PGM3: variants seen among roughly 807,000 people sequenced by gnomAD.
The protein encoded by PGM3 is phosphoacetylglucosamine mutase.
In PGM3, 40 loss-of-function variants were observed where a neutral mutation model predicts 66.2. The ratio of observed to expected loss-of-function variants is 0.60; its 90% CI spans 0.47 to 0.79. PGM3 has a LOEUF of 0.79. Ranked by LOEUF, PGM3 falls within the 30% of genes least tolerant of loss-of-function variation. PGM3 has a pLI of 0.00. For synonymous variants in PGM3, 191 were observed against 224.2 expected (o/e 0.85, Z 1.32); for missense variants, 537 against 643.4 (o/e 0.83, Z 1.79).
chr6:83,182,671 T>C (rs1040816105), intron 5 of PGM3, among the ~76,000 whole-genome samples, 174 bp downstream of exon 5: 2 of 152,146 alleles, frequency 1.3e-5, no homozygotes, highest in African/African-American at 4.8e-5. Flanking sequence ...CCAATGTAAG[T>C]TAGCAGGATA....
intron 11 of PGM3, chr6:83,171,280 C>A (rs1413548651): frequency 6.6e-6 from 1 of 152,080 alleles, no homozygotes; most frequent in Non-Finnish European, 1.5e-5. Flanking sequence ...TGTTGTTTCT[C>A]TACATTTATA....
At chr6:83,162,308 A>G (rs1784420737), downstream of PGM3, among the ~76,000 whole-genome samples, 1 of 152,172 alleles carries the variant, frequency 6.6e-6, no homozygotes, top group Non-Finnish European at 1.5e-5. Context: ...AAGTGCAAAA[A>G]AAGCCCTTAG....
chr6:83,154,169 A>C, the PGM3 span: 2 of 1,613,640 alleles, frequency 1.2e-6, no homozygotes, highest in Non-Finnish European at 8.5e-7. Context: ...TGTAATCCTT[A>C]TCTCTTTCAG....
At chr6:83,156,062 G>C in the PGM3 span, 1 of 1,613,874 alleles carries the variant, frequency 6.2e-7, no homozygotes, top group South Asian at 1.1e-5. Context: ...ATTTTTAGCA[G>C]TGAAATTGAC....
chr6:83,184,832 T>G (rs1788454024), intron 4 of PGM3, among the ~76,000 whole-genome samples: 2 of 152,054 alleles, frequency 1.3e-5, no homozygotes, highest in Non-Finnish European at 2.9e-5. Flanking sequence ...TTCAATGGAG[T>G]CCCATTGCAT....
At chr6:83,176,409 A>G (rs975189313) in intron 8 of PGM3, among the ~76,000 whole-genome samples, 15 of 152,362 alleles carry the variant, frequency 9.8e-5, no homozygotes, top group Admixed American at 3.9e-4. Flanking sequence ...GTAACAGGCC[A>G]GACAGTAAAT....
chr6:83,174,769 C>T (rs947221486), intron 9 of PGM3, among the ~76,000 whole-genome samples: 2 of 152,190 alleles, frequency 1.3e-5, no homozygotes, highest in African/African-American at 4.8e-5. Context: ...CAAGCACACA[C>T]AGTAAGTTCA....
downstream of PGM3, chr6:83,162,689 A>G (rs1337130098): frequency 5.1e-5 from 68 of 1,328,252 alleles, no homozygotes; most frequent in East Asian, 1.4e-3. Context: ...TTGAATTTTT[A>G]TAAGCAGTGG....
the PGM3 span, chr6:83,151,571 G>T: frequency 1.3e-6 from 2 of 1,576,640 alleles, no homozygotes; most frequent in Non-Finnish European, 1.7e-6. Flanking sequence ...TCCCGTTTCT[G>T]TTTTCTCTTT....
chr6:83,189,270 C>T (rs1256875242), intron 2 of PGM3, among the ~76,000 whole-genome samples: 3 of 152,146 alleles, frequency 2.0e-5, no homozygotes, highest in African/African-American at 7.2e-5. Flanking sequence ...CTCGGAACTC[C>T]AAGAACACAC....
chr6:83,160,040 A>C, downstream of PGM3: 1 of 1,385,750 alleles, frequency 7.2e-7, no homozygotes, highest in African/African-American at 1.4e-5. Context: ...ACTAATTAAA[A>C]AGTTTTTTGT....
chr6:83,154,010 G>T, the PGM3 span: 19 of 1,613,918 alleles, frequency 1.2e-5, no homozygotes, highest in Non-Finnish European at 1.6e-5. Flanking sequence ...ATGGATCCCA[G>T]TTTCTTTCAG....
rs931482263 is a variant in PGM3 at position 83,167,678 on chromosome 6, A to G, written c.*1556T>C. 2.2e-6 allele frequency: 3 copies of G among 1,375,784 alleles called. No individual in the cohort carries two copies. In the African/African-American group the frequency reaches 4.4e-5, roughly 20 times the overall value. The allele number at this position is 1,375,784 out of a possible 1,614,324, so 85.2% of individuals were successfully genotyped here. A position where few individuals can be genotyped will look rare whatever the true frequency, so the allele number is the denominator to read the frequency against. On this transcript the variant is annotated 3_prime_UTR_variant, in exon 13 of 13. Coordinates refer to ENST00000513973, the MANE Select transcript of PGM3 (RefSeq NM_015599.3). ...CTACAATGTTAGACTGCTCCATGTA[A>G]AACTAATAAATGGCAGTAAAAGGTC...
rs746614916 is a variant in PGM3, at chr6:83,168,129, G to A, written c.*1105C>T. 1.2e-6 allele frequency: 2 copies of A among 1,613,092 alleles called. No individual in the cohort carries two copies. The highest frequency in any genetic ancestry group is 1.1e-5 in the South Asian group (1 of 90,878). ...AGCCAGGCAAAAAATAGAAGAGATG[G>A]TAGAAAAAGATTTTCTGGAAGGGAT... On this transcript the variant is annotated 3_prime_UTR_variant, in exon 13 of 13. Coordinates refer to ENST00000513973, the MANE Select transcript of PGM3 (RefSeq NM_015599.3).
rs200627823 is a variant in PGM3, at chr6:83,173,789, T to G, written c.1242+585A>C. Among the ~76,000 whole-genome samples, 19 of 152,260 alleles carry G rather than the reference T, an allele frequency of 1.2e-4. No homozygotes were observed. In the East Asian group the frequency reaches 2.5e-3, roughly 20 times the overall value. On this transcript the variant is annotated intron_variant, in intron 10 of 12. Transcript: ENST00000513973. ...TCTCGCTCTGTCACCCAGGCTGGAG[T>G]GCAGTGGCGTGATCTTGGCTCACTG...
At chr6:83,157,611 G>A (rs561787132), downstream of PGM3, among the ~76,000 whole-genome samples, 5 of 152,254 alleles carry the variant, frequency 3.3e-5, no homozygotes, top group East Asian at 7.7e-4. Context: ...CTCTGTCATG[G>A]CCTACAGTCC....
At chr6:83,190,678 C>T (rs1788975440) in intron 2 of PGM3, 131 bp downstream of exon 2, 1 of 706,958 alleles carries the variant, frequency 1.4e-6, no homozygotes, top group Admixed American at 2.8e-5. Flanking sequence ...AGTTGTTTCA[C>T]ATCCAAAGCA....
At chr6:83,189,793 A>C (rs1485609453) in intron 2 of PGM3, among the ~76,000 whole-genome samples, 2 of 152,398 alleles carry the variant, frequency 1.3e-5, no homozygotes, top group African/African-American at 4.8e-5. Flanking sequence ...TATATACACA[A>C]TAGAATATTA....
rs368482842 is a variant in PGM3, at chr6:83,176,073, C to T, written c.1030-13G>A. The T allele has an allele frequency of 1.3e-5, 18 of 1,399,990 alleles. No homozygotes were observed. The highest frequency in any genetic ancestry group is 2.8e-5 in the African/African-American group (2 of 70,850). The allele number at this position is 1,399,990 out of a possible 1,614,324, so 86.7% of individuals were successfully genotyped here. A position where few individuals can be genotyped will look rare whatever the true frequency, so the allele number is the denominator to read the frequency against. Reference sequence around the variant, plus strand: ...AATAGACAGGTACCTATAACACATGCATTTAAAGAAATACAGCAATTACTC... The same window carrying T: ...AATAGACAGGTACCTATAACACATGTATTTAAAGAAATACAGCAATTACTC... On this transcript the variant is annotated splice_polypyrimidine_tract_variant and intron_variant, in intron 8 of 12. Transcript: ENST00000513973.
Sources: gnomAD v4.1 joint callset for allele counts (sites outside exome capture counted in the v4.1 genomes callset) on GRCh38, gnomAD v4.1.1 for gene constraint, MANE v1.5 for transcripts, NCBI Gene and HGNC (gene_info 2026-07-23, HGNC 2026-07-21) for gene names.